Variants in SUGCT observed in about 807,000 individuals in gnomAD.
SUGCT encodes the protein succinyl-CoA:glutarate CoA-transferase.
SUGCT carries 41 observed loss-of-function variants against 55.0 expected under a neutral mutation model. That is an observed-to-expected ratio of 0.74 (90% confidence interval 0.58 to 0.97). The LOEUF (loss-of-function observed/expected upper bound fraction) is 0.97. Ranked by LOEUF, SUGCT falls within the 50% of genes least tolerant of loss-of-function variation. The probability of loss-of-function intolerance (pLI) is 0.00; values close to 1 mark genes in which losing one functional copy is unlikely to be tolerated. For synonymous variants in SUGCT, 187 were observed against 200.4 expected (o/e 0.93, Z 0.56); for missense variants, 568 against 547.8 (o/e 1.04, Z -0.37).
chr7:40,621,699 G>A (rs1799272195), intron 12 of SUGCT, among the ~76,000 whole-genome samples: 1 of 152,160 alleles, frequency 6.6e-6, no homozygotes, highest in Non-Finnish European at 1.5e-5. Flanking sequence ...CAAGGATGCA[G>A]GATGTGAAAT....
At chr7:40,454,340 T>C (rs1234202501) in intron 10 of SUGCT, among the ~76,000 whole-genome samples, 1 of 152,200 alleles carries the variant, frequency 6.6e-6, no homozygotes, top group Non-Finnish European at 1.5e-5. Flanking sequence ...ATAAATGGGA[T>C]AAACTGAAAA....
At chr7:40,348,844 C>T (rs1383930387) in intron 9 of SUGCT, among the ~76,000 whole-genome samples, 1 of 152,102 alleles carries the variant, frequency 6.6e-6, no homozygotes, top group Non-Finnish European at 1.5e-5. Context: ...CTTTTGACTT[C>T]TCAGTTAGTG....
At chr7:40,590,887 C>T (rs1797681277) in intron 12 of SUGCT, among the ~76,000 whole-genome samples, 1 of 152,166 alleles carries the variant, frequency 6.6e-6, no homozygotes, top group African/African-American at 2.4e-5. Context: ...TTTAAGACCA[C>T]TGTCGAGACC....
chr7:40,389,371 G>A (rs1785288324), intron 9 of SUGCT, among the ~76,000 whole-genome samples: 1 of 152,146 alleles, frequency 6.6e-6, no homozygotes, highest in Non-Finnish European at 1.5e-5. Context: ...AGAATCAATT[G>A]AGCCCAGGAG....
downstream of SUGCT, among the ~76,000 whole-genome samples, chr7:40,864,443 T>C (rs1485843829): frequency 1.3e-5 from 2 of 152,140 alleles, no homozygotes; most frequent in Admixed American, 1.3e-4. Context: ...TGAGCCACCA[T>C]GCCCGGAATG....
intron 12 of SUGCT, among the ~76,000 whole-genome samples, chr7:40,678,663 G>A (rs1315604164): frequency 2.6e-5 from 4 of 152,166 alleles, no homozygotes; most frequent in Non-Finnish European, 4.4e-5. Context: ...GGTATGAATT[G>A]TTTTTCCAGT....
chr7:40,383,303 G>T (rs1433802172), intron 9 of SUGCT, among the ~76,000 whole-genome samples: 1 of 152,134 alleles, frequency 6.6e-6, no homozygotes, highest in East Asian at 1.9e-4. Flanking sequence ...GAAGAAACTA[G>T]AATCCATCGA....
intron 9 of SUGCT, among the ~76,000 whole-genome samples, chr7:40,360,426 T>TGTATTGAAATC (rs1429325522): frequency 6.6e-6 from 1 of 152,238 alleles, no homozygotes. Context: ...TTCATTGATT[T>TGTATTGAAATC]ATTAATTCAT....
At chr7:40,852,164 T>TG (rs1287630251) in intron 13 of SUGCT, among the ~76,000 whole-genome samples, 1 of 152,242 alleles carries the variant, frequency 6.6e-6, no homozygotes, top group African/African-American at 2.4e-5. Flanking sequence ...AACTTGTCCA[T>TG]GCAATCCATT....
chr7:40,928,636 A>G, the SUGCT span, among the ~76,000 whole-genome samples: 2 of 148,978 alleles, frequency 1.3e-5, no homozygotes, highest in South Asian at 2.1e-4. Context: ...GTCTTGCTCC[A>G]TCTCCCAGGC....
intron 12 of SUGCT, among the ~76,000 whole-genome samples, chr7:40,528,762 C>G (rs1300883986): frequency 1.3e-5 from 2 of 152,166 alleles, no homozygotes; most frequent in African/African-American, 4.8e-5. Context: ...CAAGTTCCTA[C>G]TTGTTCCTTG....
chr7:40,363,566 A>G (rs1798260966), intron 9 of SUGCT, among the ~76,000 whole-genome samples: 1 of 152,168 alleles, frequency 6.6e-6, no homozygotes, highest in African/African-American at 2.4e-5. Context: ...TCATTTAATT[A>G]TGTACCCAGC....
intron 9 of SUGCT, among the ~76,000 whole-genome samples, chr7:40,445,409 A>G (rs1475389664): frequency 1.3e-5 from 2 of 152,208 alleles, no homozygotes; most frequent in Non-Finnish European, 2.9e-5. Context: ...AGAAATGGAT[A>G]AATTCCTGGA....
At chr7:40,967,839 G>T in the SUGCT span, among the ~76,000 whole-genome samples, 1 of 152,064 alleles carries the variant, frequency 6.6e-6, no homozygotes, top group African/African-American at 2.4e-5. Flanking sequence ...AGCCAGGATG[G>T]TCTCGATCTC....
intron 8 of SUGCT, among the ~76,000 whole-genome samples, chr7:40,277,269 G>A (rs995881645): frequency 1.8e-4 from 27 of 151,954 alleles, no homozygotes; most frequent in African/African-American, 5.6e-4. Flanking sequence ...TGCAACTTCT[G>A]ACTCCTAGGT....
At chr7:40,665,293 T>C (rs1382584220) in intron 12 of SUGCT, among the ~76,000 whole-genome samples, 1 of 151,596 alleles carries the variant, frequency 6.6e-6, no homozygotes, top group African/African-American at 2.4e-5. Context: ...ACAAAAAGAA[T>C]TAGCCAAGCA....
chr7:40,367,874 G>T (rs77584553), intron 9 of SUGCT, among the ~76,000 whole-genome samples: 6,126 of 152,150 alleles, frequency 0.04, 163 homozygotes, highest in Non-Finnish European at 0.063. Context: ...TGGCCTTCCT[G>T]GCCCTTGCCA....
the SUGCT span, among the ~76,000 whole-genome samples, chr7:40,948,276 T>C: frequency 0.55 from 83,228 of 152,010 alleles, 23,860 homozygotes; most frequent in African/African-American, 0.72. Flanking sequence ...AAACTGCAAC[T>C]GACGATCATG....
intron 12 of SUGCT, among the ~76,000 whole-genome samples, chr7:40,561,097 A>G (rs73689818): frequency 0.024 from 3,660 of 152,332 alleles, 141 homozygotes; most frequent in African/African-American, 0.08. Flanking sequence ...TAGAAATGCT[A>G]TCACTGAACA....
Sources: allele counts gnomAD v4.1 joint callset (sites outside exome capture counted in the v4.1 genomes callset), GRCh38; gene constraint gnomAD v4.1.1; transcripts MANE v1.5; gene names NCBI Gene and HGNC (gene_info 2026-07-23, HGNC 2026-07-21).